Variants in WDHD1 observed in about 807,000 individuals in gnomAD.
WDHD1 encodes WD repeat and HMG-box DNA-binding protein 1.
A neutral mutation model predicts 135.4 loss-of-function variants in WDHD1; 111 were observed. That is an observed-to-expected ratio of 0.82 (90% confidence interval 0.70 to 0.96). WDHD1 has a LOEUF of 0.96. Among genes scored for constraint, WDHD1 ranks in the 40% least tolerant of loss-of-function variants. The pLI is 0.00. For synonymous variants in WDHD1, 434 were observed against 439.0 expected (o/e 0.99, Z 0.14); for missense variants, 1,351 against 1,336.3 (o/e 1.01, Z -0.17).
chr14:54,987,117 CAA>C, intron 14 of WDHD1, 27 bp downstream of exon 14: 1 of 1,603,868 alleles, frequency 6.2e-7, no homozygotes, highest in Non-Finnish European at 8.5e-7. Context: ...CATTTTACTT[CAA>C]GTCATAAAAG....
Position 54,965,138 on chromosome 14 carries a change from C to G in WDHD1, c.2310+1337G>C, listed in dbSNP as rs1034765743. Among the ~76,000 whole-genome samples, 9 of 152,338 alleles carry G rather than the reference C, an allele frequency of 5.9e-5. No homozygotes were observed. In the East Asian group the frequency reaches 1.7e-3, roughly 29 times the overall value. ...TAAAATTAAAAGTCTGGACCATTCA[C>G]TCTTGTCAACAAATATCGAGGTCTA... is the stretch of plus-strand genomic sequence containing the variant. On this transcript the variant is annotated intron_variant, in intron 18 of 25. Coordinates refer to ENST00000360586, the MANE Select transcript of WDHD1 (RefSeq NM_007086.4).
At chr14:55,003,528 GA>G (rs1040855669) in intron 7 of WDHD1, among the ~76,000 whole-genome samples, 6 of 149,108 alleles carry the variant, frequency 4.0e-5, no homozygotes, top group African/African-American at 1.5e-4. Flanking sequence ...AAAAAGGAAA[GA>G]AAAAATAATT....
At chr14:55,013,636 T>C (rs771114210) in intron 2 of WDHD1, 40 bp from the exon 3 acceptor site, 4 of 1,465,210 alleles carry the variant, frequency 2.7e-6, no homozygotes, top group Non-Finnish European at 2.9e-6. Context: ...TCGGGCATGG[T>C]GTCTCATGCC....
At chr14:54,944,140 T>C (rs907635422) in intron 25 of WDHD1, among the ~76,000 whole-genome samples, 192 bp downstream of exon 25, 1 of 152,106 alleles carries the variant, frequency 6.6e-6, no homozygotes, top group Non-Finnish European at 1.5e-5. Flanking sequence ...GTTATTATTA[T>C]TATTAGAGAC....
chr14:55,022,677 C>T (rs1459234527), intron 2 of WDHD1, among the ~76,000 whole-genome samples: 1 of 151,880 alleles, frequency 6.6e-6, no homozygotes, highest in Non-Finnish European at 1.5e-5. Flanking sequence ...TAGACTCCAT[C>T]TCAAAAAAAC....
chr14:54,958,841 A>C (rs888562782), intron 21 of WDHD1, among the ~76,000 whole-genome samples: 20 of 152,148 alleles, frequency 1.3e-4, no homozygotes, highest in African/African-American at 4.6e-4. Flanking sequence ...ATGCTTGCTT[A>C]CCCATGCTCA....
At position 55,027,051 on chromosome 14, in the gene WDHD1, T is replaced by C. The variant is rs2042461539; in HGVS notation, c.-40A>G. Reference sequence around the variant, plus strand: ...ACCCGGGTGACCGAGCCTCCGCCACTGAGGATCCACAAGAGCTGCTTCCCG... The same window carrying C: ...ACCCGGGTGACCGAGCCTCCGCCACCGAGGATCCACAAGAGCTGCTTCCCG... On this transcript the variant is annotated 5_prime_UTR_variant, in exon 1 of 26. Coordinates refer to ENST00000360586, the MANE Select transcript of WDHD1 (RefSeq NM_007086.4). The C allele has an allele frequency of 2.1e-6, 1 of 472,372 alleles. No homozygotes were observed. The highest frequency in any genetic ancestry group is 5.9e-4 in the Middle Eastern group (1 of 1,692). The allele number at this position is 472,372 out of a possible 1,614,324, so 29.3% of individuals were successfully genotyped here.
chr14:54,993,290 A>T (rs544584905), intron 11 of WDHD1, among the ~76,000 whole-genome samples: 1 of 151,862 alleles, frequency 6.6e-6, no homozygotes, highest in African/African-American at 2.4e-5. Context: ...GCTAATTTTT[A>T]AAGTTTTTTT....
intron 21 of WDHD1, among the ~76,000 whole-genome samples, chr14:54,960,879 A>G (rs2041240751): frequency 6.6e-6 from 1 of 152,072 alleles, no homozygotes; most frequent in Admixed American, 6.6e-5. Context: ...AGCCTACTGC[A>G]CCCTCGAACT....
chr14:54,990,329 G>A (rs530679345), intron 12 of WDHD1, among the ~76,000 whole-genome samples: 13 of 152,176 alleles, frequency 8.5e-5, no homozygotes, highest in African/African-American at 2.6e-4. Flanking sequence ...CAGGCGCGGT[G>A]GCTCACGCCT....
In WDHD1 at chr14:54,995,699, T is replaced by G. The variant is rs142090973; in HGVS notation, c.1057A>C (p.Ile353Leu). Residue 353 changes from isoleucine to leucine, a missense_variant, in exon 11 of 26, where the codon ATT becomes CTT. Around this residue, in one of 2 missense-constraint regions of WDHD1, gnomAD observed 1,330 missense variants for 1,296.1 expected, o/e 1.03. Coordinates refer to ENST00000360586, the MANE Select transcript of WDHD1 (RefSeq NM_007086.4). ...AVEIPSFSKG[I>L]INDDEDDEDL... ...TCATCATCCTCATCATCATTTATAA[T>G]CCCTTTTGAAAAAGAAGGGATCTCA... 6.2e-7 allele frequency: 1 copy of G among 1,613,780 alleles called. No homozygotes were observed. Among genetic ancestry groups the G allele is most frequent in the Non-Finnish European group, 8.5e-7 (1 of 1,179,908 alleles).
At chr14:55,016,888 G>T (rs967252159) in intron 2 of WDHD1, among the ~76,000 whole-genome samples, 1 of 152,176 alleles carries the variant, frequency 6.6e-6, no homozygotes, top group Non-Finnish European at 1.5e-5. Context: ...ATTATCAAAA[G>T]AACTTTCAGA....
chr14:54,984,676 C>A, intron 15 of WDHD1, 47 bp downstream of exon 15: 1 of 1,486,710 alleles, frequency 6.7e-7, no homozygotes, highest in South Asian at 1.4e-5. Flanking sequence ...TGAAGAATAT[C>A]TAACACTTTA....
At chr14:54,989,894 C>A (rs2041756649) in intron 12 of WDHD1, among the ~76,000 whole-genome samples, 1 of 152,060 alleles carries the variant, frequency 6.6e-6, no homozygotes. Context: ...CAACTCCTAT[C>A]CTCAAGTGAC....
At chr14:54,968,555 G>A (rs117900750) in intron 16 of WDHD1, among the ~76,000 whole-genome samples, 357 of 151,860 alleles carry the variant, frequency 2.4e-3, no homozygotes, top group Non-Finnish European at 3.6e-3. Flanking sequence ...CCATACAAAG[G>A]ATCAATAAAA....
chr14:55,019,074 A>G (rs544804713), intron 2 of WDHD1, among the ~76,000 whole-genome samples: 1 of 152,228 alleles, frequency 6.6e-6, no homozygotes. Flanking sequence ...AAATTTATTC[A>G]GCATAAAATG....
In WDHD1 at chr14:54,989,074, G is replaced by A. The variant is rs1412066072; in HGVS notation, c.1480C>T (p.His494Tyr). 1.2e-6 allele frequency: 2 copies of A among 1,613,032 alleles called. No individual in the cohort carries two copies. The highest frequency in any genetic ancestry group is 1.3e-5 in the African/African-American group (1 of 74,886). Residue 494 changes from histidine (H) to tyrosine (Y), a missense_variant, in exon 13 of 26, where the codon CAC becomes TAC. Coordinates refer to ENST00000360586, the MANE Select transcript of WDHD1 (RefSeq NM_007086.4). ...TCACATGCCAACAAAATAGCTTCGT[G>A]GGAAAGATCTGCTATTGTATAATTC... is the stretch of plus-strand genomic sequence containing the variant. The part of the protein sequence containing the change: ...TLNYTIADLS[H>Y]EAILLACEST...
intron 24 of WDHD1, among the ~76,000 whole-genome samples, chr14:54,954,153 G>A (rs2041111825): frequency 6.6e-6 from 1 of 152,042 alleles, no homozygotes; most frequent in Non-Finnish European, 1.5e-5. Flanking sequence ...AGGCATGGTG[G>A]CGTATGCCTG....
chr14:55,014,498 A>G (rs147784340), intron 2 of WDHD1, among the ~76,000 whole-genome samples: 2 of 152,322 alleles, frequency 1.3e-5, no homozygotes, highest in Non-Finnish European at 2.9e-5. Flanking sequence ...CTAGCACCAA[A>G]CAGTCTCTGA....
Sources: gnomAD v4.1 joint callset for allele counts (sites outside exome capture counted in the v4.1 genomes callset) on GRCh38, gnomAD v4.1.1 for gene constraint, gnomAD v4.1.1 regional missense constraint, MANE v1.5 for transcripts, NCBI Gene and HGNC (gene_info 2026-07-23, HGNC 2026-07-21) for gene names.